Variants in MDN1 observed in about 807,000 individuals in gnomAD.
The protein encoded by MDN1 is midasin AAA ATPase 1, also known as midasin.
Under a neutral mutation model 669.2 loss-of-function variants are expected in MDN1, and 266 were observed. The observed-to-expected ratio is 0.40, with a 90% CI of 0.36 to 0.44. The LOEUF (loss-of-function observed/expected upper bound fraction) is 0.44. Ranked by LOEUF, MDN1 falls within the 20% of genes least tolerant of loss-of-function variation. MDN1 has a pLI of 1.00. For synonymous variants in MDN1, 2,385 were observed against 2,457.1 expected, an observed-to-expected ratio of 0.97 and a Z score of 0.87; for missense variants, 5,940 against 6,754.0, an observed-to-expected ratio of 0.88 and a Z score of 4.22.
chr6:89,790,209 TTGTTCTACC>T lies in MDN1; in HGVS notation c.1039_1047del (p.Gly347_Thr349del). 1.9e-6 allele frequency: 3 copies of T among 1,614,194 alleles called. No individual in the cohort carries two copies. The highest frequency in any genetic ancestry group is 2.5e-6 in the Non-Finnish European group (3 of 1,180,026). ...TGGACTTTGAGAAGCTGAGGAGGCT[TTGTTCTACC>T]TGTCACTGCAGCTAAATATTCAACT... On this transcript the variant is annotated inframe_deletion, in exon 6 of 102. Transcript: ENST00000369393.
chr6:89,723,583 A>T lies in MDN1; in HGVS notation c.5707T>A (p.Phe1903Ile). 1 of 1,600,090 alleles carries T rather than the reference A, an allele frequency of 6.2e-7. No homozygotes were observed. Among genetic ancestry groups the T allele is most frequent in the South Asian group, 1.1e-5 (1 of 88,370 alleles). ...VDPLTVIDME[F>I]IASTLFPAIE... ...GCTGGAAACAAAGTACTGGCAATGAACTCCATGTCAATTACTGTAAGGGGA... is the reference window on the plus strand; with the variant it reads ...GCTGGAAACAAAGTACTGGCAATGATCTCCATGTCAATTACTGTAAGGGGA... Residue 1903 changes from phenylalanine (F) to isoleucine (I), a missense_variant, in exon 39 of 102, where the codon TTC becomes ATC. Coordinates refer to ENST00000369393, the MANE Select transcript of MDN1 (RefSeq NM_014611.3).
At position 89,688,823 on chromosome 6, in the gene MDN1, T is replaced by A. The variant is rs188822486; in HGVS notation, c.11024-15A>T. ...CAGTTCAACTCCTGTGAAGTTAACA[T>A]CACGGTAAAGTCAGTGAATTCAGTA... On this transcript the variant is annotated splice_polypyrimidine_tract_variant and intron_variant, in intron 65 of 101. Transcript: ENST00000369393. 8 of 1,604,408 alleles carry A rather than the reference T, an allele frequency of 5.0e-6. No individual in the cohort carries two copies. The highest frequency in any genetic ancestry group is 6.8e-6 in the Non-Finnish European group (8 of 1,171,536).
chr6:89,674,295 A>C lies in MDN1; in HGVS notation c.13056T>G (p.Ile4352Met). Residue 4352 changes from isoleucine to methionine, a missense_variant, in exon 79 of 102, where the codon ATT becomes ATG. Physicochemically the swap from Ile to Met is conservative, Grantham distance 10. This residue lies in a region of MDN1 where 2,280 missense variants were observed against 2,576.3 expected (regional missense o/e 0.88). Transcript: ENST00000369393. ...GQLCGVVLDLIPSNLSYPSPI... is the reference protein window; with the variant it reads ...GQLCGVVLDLMPSNLSYPSPI... Reference sequence around the variant, plus strand: ...GAGATGGGTAGCTCAGATTGGAAGGAATTAGGTCCAGCACTACTCCACAAA... The same window carrying C: ...GAGATGGGTAGCTCAGATTGGAAGGCATTAGGTCCAGCACTACTCCACAAA... 6.2e-7 allele frequency: 1 copy of C among 1,614,202 alleles called. No individual in the cohort carries two copies. Among genetic ancestry groups the C allele is most frequent in the Non-Finnish European group, 8.5e-7 (1 of 1,180,032 alleles).
chr6:89,685,713 ATG>A, intron 70 of MDN1, 112 bp downstream of exon 70: 1 of 1,113,278 alleles, frequency 9.0e-7, no homozygotes, highest in South Asian at 1.6e-5. Flanking sequence ...ACATAACTAA[ATG>A]TGTCTTGTTT....
chr6:89,652,044 G>A (rs142226097), intron 95 of MDN1, 148 bp downstream of exon 95: 3 of 626,964 alleles, frequency 4.8e-6, no homozygotes, highest in East Asian at 2.8e-5. Context: ...GGACAGATCT[G>A]TAGGCTTTAG....
At chr6:89,655,581 T>C (rs1037270350) in intron 92 of MDN1, among the ~76,000 whole-genome samples, 183 bp downstream of exon 92, 3 of 152,180 alleles carry the variant, frequency 2.0e-5, no homozygotes, top group Non-Finnish European at 4.4e-5. Flanking sequence ...CTCTCTCCCC[T>C]GATATAAGTG....
intron 99 of MDN1, among the ~76,000 whole-genome samples, chr6:89,647,036 C>T (rs1808531786): frequency 6.6e-6 from 1 of 152,184 alleles, no homozygotes; most frequent in Admixed American, 6.5e-5. Context: ...GTCCTCACAC[C>T]TCAACCTCCC....
chr6:89,678,253 C>T (rs1048041037), intron 75 of MDN1, among the ~76,000 whole-genome samples: 16 of 152,118 alleles, frequency 1.1e-4, no homozygotes, highest in African/African-American at 3.9e-4. Context: ...GCCTGGGCAA[C>T]AAGAGGCGGA....
At chr6:89,700,977 CTTGT>C (rs1201653353) in intron 55 of MDN1, 121 bp from the exon 56 acceptor site, 7 of 878,366 alleles carry the variant, frequency 8.0e-6, no homozygotes, top group African/African-American at 1.7e-5. Context: ...AAACAAAGGA[CTTGT>C]TTATTTCTGT....
At chr6:89,743,465 G>T in intron 30 of MDN1, 111 bp downstream of exon 30, 3 of 1,366,450 alleles carry the variant, frequency 2.2e-6, no homozygotes, top group East Asian at 2.3e-5. Context: ...AAAATCTGCA[G>T]ATATGCACAT....
At chr6:89,769,198 C>A (rs1817963969) in intron 15 of MDN1, among the ~76,000 whole-genome samples, 1 of 152,136 alleles carries the variant, frequency 6.6e-6, no homozygotes, top group African/African-American at 2.4e-5. Context: ...TTTCCCTATC[C>A]CATCTCCTTA....
At chr6:89,710,635 TAA>T in intron 50 of MDN1, 44 bp downstream of exon 50, 2 of 1,139,192 alleles carry the variant, frequency 1.8e-6, no homozygotes, top group Non-Finnish European at 2.5e-6. Flanking sequence ...AGTCAAAAGA[TAA>T]GTTTCCAAAA....
chr6:89,762,651 T>C (rs367673960), intron 15 of MDN1, 121 bp from the exon 16 acceptor site: 50 of 688,272 alleles, frequency 7.3e-5, no homozygotes, highest in South Asian at 4.5e-4. Flanking sequence ...GAAATACTAC[T>C]GAAATATTTA....
rs1468346754 is a variant in MDN1, at chr6:89,725,383, G to C, written c.5486C>G (p.Ser1829Cys). The change falls in exon 38 of 102, where the codon TCT becomes TGT. Residue 1829 changes from serine (S) to cysteine (C), a missense_variant. Physicochemically the swap from Ser to Cys is moderately radical, Grantham distance 112. Around this residue, in one of 5 missense-constraint regions of MDN1, gnomAD observed 2,292 missense variants for 2,638.3 expected, o/e 0.87. Coordinates refer to ENST00000369393, the MANE Select transcript of MDN1 (RefSeq NM_014611.3). ...WVVLDELNLA[S>C]QSVLEGLNAC... is the part of the protein sequence containing the mutation. ...ATTGAGTCCTTCCAATACAGACTGA[G>C]AAGCCAGGTTAAGCTATTTAAAGAA... is the stretch of plus-strand genomic sequence containing the variant. The C allele has an allele frequency of 1.9e-6, 3 of 1,613,466 alleles. No individual in the cohort carries two copies. In the Admixed American group the frequency reaches 5.0e-5, roughly 27 times the overall value.
intron 33 of MDN1, among the ~76,000 whole-genome samples, chr6:89,736,750 C>T (rs571424376): frequency 6.6e-6 from 1 of 152,316 alleles, no homozygotes; most frequent in African/African-American, 2.4e-5. Flanking sequence ...GCCGTGATTC[C>T]ACCACTGCAC....
chr6:89,647,825 C>T (rs1309675523), intron 99 of MDN1, among the ~76,000 whole-genome samples: 4 of 152,098 alleles, frequency 2.6e-5, no homozygotes, highest in East Asian at 3.9e-4. Flanking sequence ...TGGTAGCATG[C>T]GCCTGTAGTC....
chr6:89,681,045 T>G (rs1811583235), intron 73 of MDN1, among the ~76,000 whole-genome samples: 1 of 152,216 alleles, frequency 6.6e-6, no homozygotes, highest in East Asian at 1.9e-4. Context: ...GTAGAATGAA[T>G]AATATCACTG....
At chr6:89,714,084 GT>G (rs1814157184) in intron 46 of MDN1, among the ~76,000 whole-genome samples, 1 of 151,808 alleles carries the variant, frequency 6.6e-6, no homozygotes, top group Non-Finnish European at 1.5e-5. Flanking sequence ...AATCTGCATG[GT>G]ACCTAACACA....
In MDN1 at chr6:89,819,711, C is replaced by T; in HGVS notation, c.-104G>A. ...TGCCCGAGCAGCCAGCAACTACGCC[C>T]GCAGGAAAGGCGTCCTCAGCTCCAG... On this transcript the variant is annotated 5_prime_UTR_variant, in exon 1 of 102. Transcript: ENST00000369393. 1 of 903,236 alleles carries T rather than the reference C, an allele frequency of 1.1e-6. No homozygotes were observed. The highest frequency in any genetic ancestry group is 1.8e-6 in the Non-Finnish European group (1 of 561,062). The allele number at this position is 903,236 out of a possible 1,614,324, so 56.0% of individuals were successfully genotyped here. A position where few individuals can be genotyped will look rare whatever the true frequency, so the allele number is the denominator to read the frequency against.
Sources: allele counts gnomAD v4.1 joint callset (sites outside exome capture counted in the v4.1 genomes callset), GRCh38; gene constraint gnomAD v4.1.1; regional missense constraint gnomAD v4.1.1; transcripts MANE v1.5; gene names NCBI Gene and HGNC (gene_info 2026-07-23, HGNC 2026-07-21).